Variants in NECAB3 observed in about 807,000 individuals in gnomAD.
NECAB3 encodes the protein N-terminal EF-hand calcium-binding protein 3.
A neutral mutation model predicts 57.2 loss-of-function variants in NECAB3; 38 were observed. The observed-to-expected ratio is 0.66, with a 90% CI of 0.51 to 0.87. The LOEUF is 0.87. Among genes scored for constraint, NECAB3 ranks in the 40% least tolerant of loss-of-function variants. The pLI is 0.00. For synonymous variants in NECAB3, 223 were observed against 222.6 expected, an observed-to-expected ratio of 1.00 and a Z score of -0.02; for missense variants, 474 against 527.5, an observed-to-expected ratio of 0.90 and a Z score of 0.99.
intron 1 of NECAB3, among the ~76,000 whole-genome samples, chr20:33,672,809 T>C (rs2017856251): frequency 6.6e-6 from 1 of 152,172 alleles, no homozygotes; most frequent in Non-Finnish European, 1.5e-5. Flanking sequence ...CCAGGAATCT[T>C]GCACAGCCGT....
In NECAB3 at chr20:33,660,295, G is replaced by A. The variant is rs1279529768; in HGVS notation, c.488C>T (p.Ala163Val). The A allele has an allele frequency of 8.1e-6, 13 of 1,613,098 alleles. No individual in the cohort carries two copies. Among genetic ancestry groups the A allele is most frequent in the South Asian group, 3.3e-5 (3 of 91,070 alleles). ...GGCCTGGGCCTCCAGGGTATCTGACGCCCCCTCCAGCGAGCTCTGAAGGGC... is the reference window on the plus strand; with the variant it reads ...GGCCTGGGCCTCCAGGGTATCTGACACCCCCTCCAGCGAGCTCTGAAGGGC... ...LQALQSSLEG[A>V]SDTLEAQAHG... Residue 163 changes from alanine (A) to valine (V), a missense_variant, in exon 6 of 12, where the codon GCG (alanine) becomes GTG (valine). Physicochemically the swap from Ala to Val is moderately conservative, Grantham distance 64 (BLOSUM62 0). Transcript: ENST00000246190. This position sits in a 1 kb window ranked among gnomAD's most constrained non-coding sequence, Gnocchi z 4.1.
At chr20:33,667,493 G>A in intron 5 of NECAB3, 1 of 1,482,226 alleles carries the variant, frequency 6.7e-7, no homozygotes, top group Non-Finnish European at 8.9e-7. Flanking sequence ...GTGCCCGCGT[G>A]CCACATGGCT....
In NECAB3 at chr20:33,659,943, G is replaced by T. The variant is rs1437022280; in HGVS notation, c.585C>A (p.Arg195=). The change falls in exon 7 of 12, where the codon CGC becomes CGA. Residue 195 remains arginine, a synonymous_variant. Coordinates refer to ENST00000246190, the MANE Select transcript of NECAB3 (RefSeq NM_031232.4). Reference sequence around the variant, plus strand: ...ACCGGCTGACACTCCTCAGGGCTCGGCGTCCTGCCCGCCGGCTGCCGCAGA... The same window carrying T: ...ACCGGCTGACACTCCTCAGGGCTCGTCGTCCTGCCCGCCGGCTGCCGCAGA... The part of the protein sequence containing the change: ...SRLCGSRRAG[R]RALRSVSRSS... 1 of 1,553,764 alleles carries T rather than the reference G, an allele frequency of 6.4e-7. No homozygotes were observed. Among genetic ancestry groups the T allele is most frequent in the South Asian group, 1.2e-5 (1 of 84,758 alleles).
At position 33,663,722 on chromosome 20, in the gene NECAB3, G is replaced by T. The variant is rs773872225; in HGVS notation, c.388-3327C>A. On this transcript the variant is annotated intron_variant, in intron 5 of 11. Transcript: ENST00000246190. ...CTGCTGCGGCGGCAAGAGGCGCGGC[G>T]GCCGGAAGAGGGCGGGGCCAGGGCA... 3.9e-6 allele frequency: 6 copies of T among 1,537,980 alleles called. No homozygotes were observed. In the South Asian group the frequency reaches 7.1e-5, roughly 18 times the overall value.
chr20:33,669,546 G>A, intron 4 of NECAB3, 74 bp from the exon 5 acceptor site: 8 of 1,575,450 alleles, frequency 5.1e-6, no homozygotes, highest in Non-Finnish European at 6.9e-6. Flanking sequence ...TGGCCCCCTG[G>A]AATTCCTCAG....
At chr20:33,667,790 C>A in intron 5 of NECAB3, 1 of 1,612,498 alleles carries the variant, frequency 6.2e-7, no homozygotes, top group Non-Finnish European at 8.5e-7. Context: ...CTCCGCGACC[C>A]CGCCCGCCAC....
At chr20:33,662,930 T>C (rs945748677) in intron 5 of NECAB3, among the ~76,000 whole-genome samples, 1 of 152,176 alleles carries the variant, frequency 6.6e-6, no homozygotes, top group Non-Finnish European at 1.5e-5. Context: ...AAGACCCTGT[T>C]TGACTCAGTC....
intron 8 of NECAB3, 49 bp from the exon 9 acceptor site, chr20:33,658,883 A>AG (rs1568890943): frequency 7.2e-7 from 1 of 1,395,112 alleles, no homozygotes; most frequent in African/African-American, 1.4e-5. Context: ...GGCACAGGGG[A>AG]GGGACTGGCT....
intron 1 of NECAB3, among the ~76,000 whole-genome samples, 189 bp downstream of exon 1, chr20:33,674,035 G>A (rs1229456207): frequency 2.0e-5 from 3 of 152,216 alleles, no homozygotes; most frequent in African/African-American, 7.2e-5. Flanking sequence ...TGACACTGGA[G>A]CAGGGACAAG....
intron 5 of NECAB3, chr20:33,663,264 G>C (rs970800371): frequency 2.4e-4 from 126 of 529,700 alleles, no homozygotes; most frequent in Middle Eastern, 9.7e-4. Context: ...AAACTTAGAC[G>C]GAGCTGGTCT....
At position 33,659,900 on chromosome 20, in the gene NECAB3, CG is replaced by C; in HGVS notation, c.627del (p.Gly210AlafsTer19). 1.3e-6 allele frequency: 2 copies of C among 1,546,162 alleles called. No individual in the cohort carries two copies. The highest frequency in any genetic ancestry group is 1.7e-6 in the Non-Finnish European group (2 of 1,147,770). ...CCAGGCGCACCTGTGTCAGAAGAGC[CG>C]GGGGACCAGGTGGATGACCGGCTGA... ...RSVSRSSTWSPGSSDTGRSSE... is the reference protein window; with the variant it reads ...RSVSRSSTWSXGSSDTGRSSE... On this transcript the variant is annotated frameshift_variant, in exon 7 of 12. Transcript: ENST00000246190. LOFTEE classifies it high-confidence loss of function.
At chr20:33,665,406 G>A (rs1258343386) in intron 5 of NECAB3, 3 of 152,392 alleles carry the variant, frequency 2.0e-5, no homozygotes, top group African/African-American at 7.2e-5. Context: ...AGGAGGCAGA[G>A]GTTGCAGTGA....
Position 33,657,770 on chromosome 20 carries a change from A to G in NECAB3, c.*59T>C. On this transcript the variant is annotated 3_prime_UTR_variant, in exon 12 of 12. Coordinates refer to ENST00000246190, the MANE Select transcript of NECAB3 (RefSeq NM_031232.4). ...GTCTTTGCGCTGGGCTGGCCAGTCC[A>G]GAAGGCTCCAGAGGGAGGCAGGCAG... 6.7e-7 allele frequency: 1 copy of G among 1,481,526 alleles called. No individual in the cohort carries two copies. The allele number at this position is 1,481,526 out of a possible 1,614,324, so 91.8% of individuals were successfully genotyped here.
Position 33,660,137 on chromosome 20 carries a change from C to G in NECAB3, c.524+122G>C. ...TCTCATTTCACCCCGCCATGGCTAC[C>G]CTGCCATGGCTTCCCCGCCCGAAAA... On this transcript the variant is annotated intron_variant, in intron 6 of 11. Transcript: ENST00000246190. This position sits in a 1 kb window ranked among gnomAD's most constrained non-coding sequence, Gnocchi z 4.1. 1 of 1,526,542 alleles carries G rather than the reference C, an allele frequency of 6.6e-7. No individual in the cohort carries two copies. The highest frequency in any genetic ancestry group is 8.8e-7 in the Non-Finnish European group (1 of 1,137,650). 94.6% of individuals were successfully genotyped at this position (1,526,542 alleles called of 1,614,324 possible).
In NECAB3 at chr20:33,663,878, C is replaced by T. The variant is rs1450918731; in HGVS notation, c.388-3483G>A. The T allele has an allele frequency of 4.3e-6, 6 of 1,384,212 alleles. No individual in the cohort carries two copies. The African/African-American group carries it at 4.6e-5, about 11-fold the overall frequency. The allele number at this position is 1,384,212 out of a possible 1,614,324, so 85.7% of individuals were successfully genotyped here. On this transcript the variant is annotated intron_variant, in intron 5 of 11. Transcript: ENST00000246190. ...CGCCCGCAGCTTTAAACGCTTGGCC[C>T]GGACCCCGCCCAATAAAGAGTGCGT...
chr20:33,658,447 T>C (rs1343711656), intron 10 of NECAB3, 30 bp downstream of exon 10: 10 of 1,603,618 alleles, frequency 6.2e-6, no homozygotes, highest in Admixed American at 3.3e-5. Context: ...CCACATTCCA[T>C]GGTGTTAGCG....
Position 33,667,811 on chromosome 20 carries a change from G to A in NECAB3, c.387+1564C>T, listed in dbSNP as rs766845585. The A allele has an allele frequency of 1.9e-6, 3 of 1,612,528 alleles. No homozygotes were observed. In the South Asian group the frequency reaches 3.3e-5, roughly 18 times the overall value. ...GACCCCGCCCGCCACCATCCGGCCA[G>A]TTTCAGCGTGGGTAACGGGTGCTGC... On this transcript the variant is annotated intron_variant, in intron 5 of 11. Transcript: ENST00000246190.
At chr20:33,663,228 G>T (rs184977418) in intron 5 of NECAB3, 9 of 464,506 alleles carry the variant, frequency 1.9e-5, no homozygotes, top group Non-Finnish European at 3.4e-5. Context: ...GAAAGCCCCT[G>T]ACATAGGGCC....
intron 5 of NECAB3, chr20:33,663,781 C>A: frequency 7.0e-7 from 1 of 1,432,332 alleles, no homozygotes; most frequent in Non-Finnish European, 9.1e-7. Context: ...CTCGCGCTTC[C>A]GGTCCCCGGG....
Sources: gnomAD v4.1 joint callset for allele counts (sites outside exome capture counted in the v4.1 genomes callset) on GRCh38, gnomAD v4.1.1 for gene constraint, Gnocchi (gnomAD v3.1) non-coding constraint, MANE v1.5 for transcripts, NCBI Gene and HGNC (gene_info 2026-07-23, HGNC 2026-07-21) for gene names.